Variants in DCTN2 observed in about 807,000 individuals in gnomAD.
DCTN2 encodes the protein dynactin subunit 2, also known as 50 kDa dynein-associated polypeptide.
In DCTN2, 18 loss-of-function variants were observed where a neutral mutation model predicts 55.4. The ratio of observed to expected loss-of-function variants is 0.32; its 90% CI spans 0.22 to 0.48. The LOEUF is 0.48. DCTN2 is among the 20% of genes least tolerant of loss of function. The pLI is 0.99. For synonymous variants in DCTN2, 168 were observed against 185.2 expected (o/e 0.91, Z 0.76); for missense variants, 390 against 491.0 (o/e 0.79, Z 1.94).
Position 57,541,300 on chromosome 12 carries a change from G to C in DCTN2, c.105+4728C>G, listed in dbSNP as rs1342072315. ...TAGCTACAACAATAGCACAGTGGCA[G>C]AGCATTGCATGCGAGATGGCAGATG... On this transcript the variant is annotated intron_variant, in intron 2 of 13. Transcript: ENST00000548249. The C allele has an allele frequency of 5.1e-6, 8 of 1,578,772 alleles. No homozygotes were observed. In the Admixed American group the frequency reaches 6.7e-5, roughly 13 times the overall value.
At chr12:57,537,891 T>C (rs113690638) in intron 2 of DCTN2, among the ~76,000 whole-genome samples, 113 of 152,254 alleles carry the variant, frequency 7.4e-4, no homozygotes, top group Non-Finnish European at 1.5e-3. Context: ...AGGCTAAGGA[T>C]AGACAACCAT....
At chr12:57,544,578 C>T (rs1594895914) in intron 2 of DCTN2, among the ~76,000 whole-genome samples, 2 of 151,988 alleles carry the variant, frequency 1.3e-5, no homozygotes, top group African/African-American at 4.8e-5. Context: ...CCACGCCTTG[C>T]TAATTTTTAT....
chr12:57,535,399 C>A, intron 4 of DCTN2, 85 bp downstream of exon 4: 1 of 1,528,728 alleles, frequency 6.5e-7, no homozygotes, highest in Non-Finnish European at 9.0e-7. Context: ...AGAATCCCGC[C>A]TGTATCCCTT....
At chr12:57,543,287 C>T (rs775240) in intron 2 of DCTN2, 311,457 of 314,446 alleles carry the variant, frequency 0.99, 154,310 homozygotes, top group Middle Eastern at 1. Flanking sequence ...AGGTGGAGCT[C>T]GCAGTGAGCC....
rs1410386134 is a variant in DCTN2 at position 57,543,794 on chromosome 12, T to C, written c.105+2234A>G. On this transcript the variant is annotated intron_variant, in intron 2 of 13. Transcript: ENST00000548249. The stretch of plus-strand genomic sequence containing the variant: ...TCTTGTATTTGCCATTCAGCTCATA[T>C]GCACTTCTATACTGGCATCCTGGGC... 9 of 1,288,722 alleles carry C rather than the reference T, an allele frequency of 7.0e-6. No homozygotes were observed. In the African/African-American group the frequency reaches 1.2e-4, roughly 17 times the overall value. 79.8% of individuals were successfully genotyped at this position (1,288,722 alleles called of 1,614,324 possible).
intron 2 of DCTN2, chr12:57,543,187 A>T: frequency 2.7e-6 from 1 of 364,382 alleles, no homozygotes; most frequent in Non-Finnish European, 5.4e-6. Context: ...TCTCTACTAA[A>T]AATACAAGAA....
chr12:57,532,283 C>G lies in DCTN2; in HGVS notation c.957G>C (p.Trp319Cys). ...CAGGGAGGGTGGAGGCAATGGGGCT[C>G]CAGCGCTGTATAGTTTCATATAGCT... is the stretch of plus-strand genomic sequence containing the variant. Reference protein sequence around the residue: ...VHQLYETIQRWSPIASTLPEL... With the variant: ...VHQLYETIQRCSPIASTLPEL... The change falls in exon 12 of 14, where the codon TGG (tryptophan) becomes TGC (cysteine). Residue 319 changes from tryptophan (W) to cysteine (C), a missense_variant. Trp to Cys is a radical substitution (Grantham distance 215, BLOSUM62 -2). Coordinates refer to ENST00000548249, the MANE Select transcript of DCTN2 (RefSeq NM_001261413.2). 6.4e-7 allele frequency: 1 copy of G among 1,563,176 alleles called. No homozygotes were observed.
At chr12:57,546,213 C>A in intron 1 of DCTN2, 117 bp from the exon 2 acceptor site, 1 of 893,070 alleles carries the variant, frequency 1.1e-6, no homozygotes, top group Non-Finnish European at 1.8e-6. Flanking sequence ...AGGGTTCTGT[C>A]CTTTCTCCTC....
At chr12:57,539,499 A>C (rs1441359971) in intron 2 of DCTN2, among the ~76,000 whole-genome samples, 1 of 152,214 alleles carries the variant, frequency 6.6e-6, no homozygotes, top group African/African-American at 2.4e-5. Context: ...GGCCACATAG[A>C]TAAGGCTCCC....
intron 7 of DCTN2, 36 bp downstream of exon 7, chr12:57,533,917 C>T (rs2140120328): frequency 6.4e-7 from 1 of 1,561,312 alleles, no homozygotes; most frequent in East Asian, 2.3e-5. Flanking sequence ...TCACATCTCC[C>T]CTTGGCTTCC....
At position 57,530,562 on chromosome 12, in the gene DCTN2, A is replaced by C. The variant is rs1879575835; in HGVS notation, c.*127T>G. On this transcript the variant is annotated 3_prime_UTR_variant, in exon 14 of 14. Coordinates refer to ENST00000548249, the MANE Select transcript of DCTN2 (RefSeq NM_001261413.2). ...GGGTATAAACCCCACATGCAAGAAG[A>C]ACCCTTGCCCCCAGTGTCAAATGGG... 3.7e-6 allele frequency: 3 copies of C among 804,284 alleles called. No homozygotes were observed. The highest frequency in any genetic ancestry group is 3.4e-5 in the African/African-American group (2 of 58,256). The allele number at this position is 804,284 out of a possible 1,614,324, so 49.8% of individuals were successfully genotyped here. A position where few individuals can be genotyped will look rare whatever the true frequency, so the allele number is the denominator to read the frequency against.
Position 57,532,964 on chromosome 12 carries a change from C to T in DCTN2, c.774+20G>A, listed in dbSNP as rs1336749605. 1 of 1,600,222 alleles carries T rather than the reference C, an allele frequency of 6.2e-7. No homozygotes were observed. The highest frequency in any genetic ancestry group is 1.3e-5 in the African/African-American group (1 of 74,142). ...CTATCCCCTCTGTGATCCAAACACTCCAGTTTCTTCCAAACTCACCATGAG... is the reference window on the plus strand; with the variant it reads ...CTATCCCCTCTGTGATCCAAACACTTCAGTTTCTTCCAAACTCACCATGAG... On this transcript the variant is annotated intron_variant, in intron 9 of 13. Transcript: ENST00000548249.
In DCTN2 at chr12:57,544,160, G is replaced by A. The variant is rs376264059; in HGVS notation, c.105+1868C>T. Reference sequence around the variant, plus strand: ...GTTGAACAGTCTGAACTGTGGTAGTGCAGTAAAGTTCTCAGCATACAGCTG... The same window carrying A: ...GTTGAACAGTCTGAACTGTGGTAGTACAGTAAAGTTCTCAGCATACAGCTG... On this transcript the variant is annotated intron_variant, in intron 2 of 13. Transcript: ENST00000548249. 85 of 450,806 alleles carry A rather than the reference G, an allele frequency of 1.9e-4. No homozygotes were observed. In the East Asian group the frequency reaches 5.0e-3, roughly 26 times the overall value. The allele number at this position is 450,806 out of a possible 1,614,324, so 27.9% of individuals were successfully genotyped here. A position where few individuals can be genotyped will look rare whatever the true frequency, so the allele number is the denominator to read the frequency against.
At chr12:57,543,756 A>G (rs1880903848) in intron 2 of DCTN2, 62 of 1,275,632 alleles carry the variant, frequency 4.9e-5, no homozygotes, top group Non-Finnish European at 6.2e-5. Context: ...GGTGACAGAA[A>G]CAATTCAGCT....
intron 5 of DCTN2, 65 bp from the exon 6 acceptor site, chr12:57,534,517 C>G (rs1880058613): frequency 6.6e-7 from 1 of 1,524,336 alleles, no homozygotes; most frequent in East Asian, 2.3e-5. Context: ...AAAAATAGGT[C>G]AAGCCCTTTA....
chr12:57,535,021 C>T (rs1880111279), intron 5 of DCTN2, 35 bp downstream of exon 5: 1 of 1,545,418 alleles, frequency 6.5e-7, no homozygotes. Context: ...CTGTGTAAGT[C>T]ACAGCAGAGA....
intron 8 of DCTN2, 55 bp from the exon 9 acceptor site, chr12:57,533,077 T>A: frequency 6.4e-7 from 1 of 1,562,194 alleles, no homozygotes. Flanking sequence ...ATGATTATCG[T>A]CTTCTCCCAT....
intron 2 of DCTN2, chr12:57,539,952 G>C (rs766547793): frequency 2.2e-5 from 6 of 270,730 alleles, no homozygotes; most frequent in Non-Finnish European, 3.4e-5. Context: ...TTTGAACCCG[G>C]GAGGTGGAGG....
chr12:57,538,694 C>T (rs966880723), intron 2 of DCTN2: 3 of 589,816 alleles, frequency 5.1e-6, no homozygotes, highest in African/African-American at 1.9e-5. Context: ...GGGAGCCTAG[C>T]GAAATTTAGG....
Sources: allele counts gnomAD v4.1 joint callset (sites outside exome capture counted in the v4.1 genomes callset), GRCh38; gene constraint gnomAD v4.1.1; transcripts MANE v1.5; gene names NCBI Gene and HGNC (gene_info 2026-07-23, HGNC 2026-07-21).